RPS6KC1: variants seen among roughly 807,000 people sequenced by gnomAD.
RPS6KC1 encodes the protein inactive ribosomal protein S6 kinase delta-1.
A neutral mutation model predicts 103.8 loss-of-function variants in RPS6KC1; 54 were observed. The observed-to-expected ratio is 0.52, with a 90% CI of 0.42 to 0.65. The LOEUF is 0.65. Ranked by LOEUF, RPS6KC1 falls within the 30% of genes least tolerant of loss-of-function variation. The pLI is 0.00. For synonymous variants in RPS6KC1, 439 were observed against 438.7 expected (o/e 1.00, Z -0.01); for missense variants, 1,151 against 1,253.8 (o/e 0.92, Z 1.24).
chr1:213,509,606 TAGC>T, the RPS6KC1 span, among the ~76,000 whole-genome samples: 1 of 152,208 alleles, frequency 6.6e-6, no homozygotes, highest in African/African-American at 2.4e-5. Context: ...TTTAATTTCT[TAGC>T]AGCGACTTGG....
At chr1:213,226,117 G>A (rs902501125) in intron 8 of RPS6KC1, among the ~76,000 whole-genome samples, 10 of 151,942 alleles carry the variant, frequency 6.6e-5, no homozygotes, top group African/African-American at 2.2e-4. Flanking sequence ...CAGCTACTCC[G>A]GAGGCTGAGG....
chr1:213,352,131 A>C, the RPS6KC1 span, among the ~76,000 whole-genome samples: 2 of 152,066 alleles, frequency 1.3e-5, no homozygotes, highest in Non-Finnish European at 2.9e-5. Flanking sequence ...CAGTGTCTTC[A>C]TTTCTTCCTT....
intron 8 of RPS6KC1, among the ~76,000 whole-genome samples, chr1:213,179,248 C>T (rs1368215444): frequency 3.3e-5 from 5 of 151,922 alleles, no homozygotes; most frequent in Non-Finnish European, 7.4e-5. Context: ...AACCCCATCT[C>T]TACTAGAAAT....
chr1:213,251,476 T>A (rs892620795), intron 12 of RPS6KC1, among the ~76,000 whole-genome samples: 4 of 152,198 alleles, frequency 2.6e-5, no homozygotes, highest in Non-Finnish European at 5.9e-5. Context: ...AGGCAGTCAT[T>A]GTGCTTTGCA....
intron 6 of RPS6KC1, among the ~76,000 whole-genome samples, chr1:213,153,299 ACAGAGG>A (rs2089472262): frequency 6.6e-6 from 1 of 150,882 alleles, no homozygotes; most frequent in Non-Finnish European, 1.5e-5. Context: ...AGAGGCAGGC[ACAGAGG>A]CAGGGGCAGG....
the RPS6KC1 span, among the ~76,000 whole-genome samples, chr1:213,341,067 G>A: frequency 2.6e-5 from 4 of 152,202 alleles, no homozygotes; most frequent in Non-Finnish European, 5.9e-5. Context: ...GCGTGTCAGG[G>A]CTTTCATGGA....
the RPS6KC1 span, among the ~76,000 whole-genome samples, chr1:213,661,382 G>T: frequency 6.6e-6 from 1 of 152,128 alleles, no homozygotes; most frequent in East Asian, 1.9e-4. Flanking sequence ...GGGTGGAACG[G>T]GCTGGGCGAG....
intron 3 of RPS6KC1, among the ~76,000 whole-genome samples, chr1:213,092,117 A>G (rs948451810): frequency 6.6e-6 from 1 of 152,162 alleles, no homozygotes; most frequent in South Asian, 2.1e-4. Flanking sequence ...TTAGTGCAGT[A>G]AAAAAATGCA....
At chr1:213,427,861 A>G in the RPS6KC1 span, among the ~76,000 whole-genome samples, 12 of 152,224 alleles carry the variant, frequency 7.9e-5, no homozygotes, top group Non-Finnish European at 1.6e-4. Context: ...GTTAGCCTCC[A>G]TTACAGCTTT....
At chr1:213,212,029 A>G (rs902761557) in intron 8 of RPS6KC1, among the ~76,000 whole-genome samples, 8 of 151,842 alleles carry the variant, frequency 5.3e-5, no homozygotes, top group African/African-American at 1.9e-4. Context: ...ATTGTCAACA[A>G]CCCCCACCAG....
the RPS6KC1 span, among the ~76,000 whole-genome samples, chr1:213,347,737 A>G: frequency 6.6e-6 from 1 of 152,280 alleles, no homozygotes. Flanking sequence ...ATGGGTAATT[A>G]GAGTAATAGT....
the RPS6KC1 span, among the ~76,000 whole-genome samples, chr1:213,849,037 G>A: frequency 6.6e-6 from 1 of 152,312 alleles, no homozygotes; most frequent in East Asian, 1.9e-4. Context: ...GTCAACAGAG[G>A]CTGACAGAAC....
At chr1:213,076,075 T>C (rs1043003331) in intron 2 of RPS6KC1, among the ~76,000 whole-genome samples, 7 of 152,226 alleles carry the variant, frequency 4.6e-5, no homozygotes, top group African/African-American at 1.4e-4. Context: ...GCAGGACCTG[T>C]ATTTCCCTTC....
chr1:213,104,669 C>T (rs982421300), intron 4 of RPS6KC1, 100 bp downstream of exon 4: 2 of 545,656 alleles, frequency 3.7e-6, no homozygotes, highest in African/African-American at 2.0e-5. Flanking sequence ...TCGTTATTCA[C>T]TATAAAAGTA....
At chr1:213,231,962 C>T (rs1230927972) in intron 9 of RPS6KC1, among the ~76,000 whole-genome samples, 161 bp from the exon 10 acceptor site, 1 of 152,210 alleles carries the variant, frequency 6.6e-6, no homozygotes, top group East Asian at 1.9e-4. Flanking sequence ...TCAGCAGAGC[C>T]TCCAGGGACT....
At position 213,198,119 on chromosome 1, in the gene RPS6KC1, T is replaced by A. The variant is rs138724510; in HGVS notation, c.1044+21627T>A. On this transcript the variant is annotated intron_variant, in intron 8 of 14. Transcript: ENST00000366960. ...TGTTTTGTTTTAAGATTTAGAACTT[T>A]TAGCATTTCTTGTAGTGCTGGCTTG... is the stretch of plus-strand genomic sequence containing the variant. 1.5e-4 allele frequency among the ~76,000 whole-genome samples: 23 copies of A among 152,356 alleles called. No homozygotes were observed. In the East Asian group the frequency reaches 4.4e-3, roughly 29 times the overall value.
the RPS6KC1 span, among the ~76,000 whole-genome samples, chr1:213,305,715 C>G: frequency 6.6e-6 from 1 of 152,176 alleles, no homozygotes; most frequent in Non-Finnish European, 1.5e-5. Flanking sequence ...AAGGACAGAT[C>G]CCACTGGCCA....
chr1:213,245,214 G>A (rs2094435215), intron 12 of RPS6KC1, among the ~76,000 whole-genome samples: 1 of 152,028 alleles, frequency 6.6e-6, no homozygotes, highest in African/African-American at 2.4e-5. Context: ...ACTACAGATA[G>A]GTTTTCCTCT....
At chr1:213,400,769 C>T in the RPS6KC1 span, among the ~76,000 whole-genome samples, 9 of 151,458 alleles carry the variant, frequency 5.9e-5, no homozygotes, top group Admixed American at 4.6e-4. Flanking sequence ...TGCAGTGGCG[C>T]GATCTCGGCT....
Sources: gnomAD v4.1 joint callset for allele counts (sites outside exome capture counted in the v4.1 genomes callset) on GRCh38, gnomAD v4.1.1 for gene constraint, MANE v1.5 for transcripts, NCBI Gene and HGNC (gene_info 2026-07-23, HGNC 2026-07-21) for gene names.